Variants in THOC7 observed in about 807,000 individuals in gnomAD.
The protein encoded by THOC7 is NIF3L1-binding protein 1.
THOC7 carries 22 observed loss-of-function variants against 33.1 expected under a neutral mutation model. That is an observed-to-expected ratio of 0.66 (90% CI 0.47 to 0.95). THOC7 has a LOEUF of 0.95. Among genes scored for constraint, THOC7 ranks in the 40% least tolerant of loss-of-function variants. THOC7 has a pLI of 0.00. For missense variants in THOC7, 184 were observed against 245.3 expected (o/e 0.75, Z 1.67); for synonymous variants, 77 against 76.8 (o/e 1.00, Z -0.01).
At chr3:63,838,780 G>C (rs980230040) in intron 2 of THOC7, among the ~76,000 whole-genome samples, 1 of 152,060 alleles carries the variant, frequency 6.6e-6, no homozygotes, top group Non-Finnish European at 1.5e-5. Flanking sequence ...AAAGACTTTA[G>C]AAATACTTTA....
At chr3:63,853,671 G>C (rs1702058215) in intron 1 of THOC7, among the ~76,000 whole-genome samples, 1 of 152,212 alleles carries the variant, frequency 6.6e-6, no homozygotes, top group Non-Finnish European at 1.5e-5. Flanking sequence ...CACTTTGGGA[G>C]GCCAAGGCGG....
At chr3:63,836,705 A>C (rs1370104402) in intron 4 of THOC7, among the ~76,000 whole-genome samples, 1 of 152,046 alleles carries the variant, frequency 6.6e-6, no homozygotes, top group African/African-American at 2.4e-5. Context: ...CCAAAAAGTA[A>C]AATAAAATAA....
At chr3:63,841,854 A>C (rs976256088) in intron 1 of THOC7, among the ~76,000 whole-genome samples, 1 of 152,174 alleles carries the variant, frequency 6.6e-6, no homozygotes, top group Non-Finnish European at 1.5e-5. Flanking sequence ...CTAGTGGGTG[A>C]ATCTGGTGGC....
At chr3:63,841,985 A>C (rs1403928505) in intron 1 of THOC7, among the ~76,000 whole-genome samples, 1 of 152,208 alleles carries the variant, frequency 6.6e-6, no homozygotes, top group Non-Finnish European at 1.5e-5. Context: ...TGGGGATTTC[A>C]AATGTAAATA....
chr3:63,837,061 G>T (rs928564149), intron 4 of THOC7, among the ~76,000 whole-genome samples: 3 of 151,630 alleles, frequency 2.0e-5, no homozygotes, highest in Non-Finnish European at 4.4e-5. Flanking sequence ...AAAAAAACTT[G>T]TAAAAAGAGG....
intron 1 of THOC7, among the ~76,000 whole-genome samples, chr3:63,845,697 T>C (rs1382856338): frequency 6.6e-6 from 1 of 152,098 alleles, no homozygotes; most frequent in Non-Finnish European, 1.5e-5. Context: ...ATTAGCTAAG[T>C]TGGTCAAGGC....
intron 1 of THOC7, among the ~76,000 whole-genome samples, chr3:63,854,425 T>G (rs1559608872): frequency 6.6e-6 from 1 of 152,214 alleles, no homozygotes; most frequent in African/African-American, 2.4e-5. Flanking sequence ...TGTAAGCAGT[T>G]TGAATGCTTA....
rs1346668636 is a variant in THOC7, at chr3:63,835,157, C to A, written c.544G>T (p.Glu182Ter). Residue 182 changes from glutamate (E) to a stop codon, truncating the protein, a stop_gained, in exon 7 of 8, where the codon GAA (glutamate) becomes TAA (stop). Coordinates refer to ENST00000295899, the MANE Select transcript of THOC7 (RefSeq NM_025075.4). LOFTEE classifies it high-confidence loss of function. Reference sequence around the variant, plus strand: ...CTTTGAGACTATTTCTACTTACTTTCCAATGTTTGCTGAAGTTCATGGATG... The same window carrying A: ...CTTTGAGACTATTTCTACTTACTTTACAATGTTTGCTGAAGTTCATGGATG... ...STIHELQQTL[E>*]NDEKLSEVEE... The A allele has an allele frequency of 6.2e-7, 1 of 1,613,312 alleles. No homozygotes were observed.
intron 1 of THOC7, chr3:63,846,294 ACTCCCTGG>A: frequency 2.5e-6 from 1 of 405,986 alleles, no homozygotes; most frequent in Non-Finnish European, 4.9e-6. Flanking sequence ...AGCGACTTGC[ACTCCCTGG>A]ACAAAAATGG....
intron 1 of THOC7, among the ~76,000 whole-genome samples, chr3:63,847,661 C>G (rs1459404864): frequency 6.6e-6 from 1 of 152,170 alleles, no homozygotes; most frequent in African/African-American, 2.4e-5. Context: ...TGCTTGAACC[C>G]AGGAGGCAGA....
chr3:63,860,953 T>A (rs1462307463), intron 1 of THOC7: 2 of 151,966 alleles, frequency 1.3e-5, no homozygotes, highest in Admixed American at 6.6e-5. Flanking sequence ...TGTCACCTGA[T>A]AGAAAAGGCA....
At chr3:63,862,592 T>C (rs894891333) in intron 1 of THOC7, among the ~76,000 whole-genome samples, 3 of 152,204 alleles carry the variant, frequency 2.0e-5, no homozygotes, top group East Asian at 1.9e-4. Flanking sequence ...CCTGGGTCTT[T>C]AGTAGCCTCC....
intron 1 of THOC7, chr3:63,861,887 G>C (rs1292575898): frequency 6.6e-6 from 1 of 151,810 alleles, no homozygotes; most frequent in East Asian, 1.9e-4. Context: ...CAACCTCCCA[G>C]GCTCAAGTGA....
intron 1 of THOC7, among the ~76,000 whole-genome samples, chr3:63,843,250 C>G (rs1701806291): frequency 6.6e-6 from 1 of 152,088 alleles, no homozygotes; most frequent in Admixed American, 6.6e-5. Context: ...TTCCGAGCAG[C>G]TGGGATTACA....
intron 4 of THOC7, among the ~76,000 whole-genome samples, 173 bp from the exon 5 acceptor site, chr3:63,836,531 T>C (rs1030087688): frequency 6.6e-5 from 10 of 152,044 alleles, no homozygotes; most frequent in Non-Finnish European, 1.3e-4. Flanking sequence ...ATTATAACGA[T>C]ACATAACATC....
At chr3:63,836,272 T>A in intron 5 of THOC7, 29 bp downstream of exon 5, 1 of 1,605,422 alleles carries the variant, frequency 6.2e-7, no homozygotes, top group Non-Finnish European at 8.5e-7. Context: ...TAAAGGTTAG[T>A]TCCTTTCAAA....
intron 1 of THOC7, chr3:63,845,079 A>G (rs1386656427): frequency 1.4e-6 from 1 of 698,618 alleles, no homozygotes; most frequent in African/African-American, 1.8e-5. Context: ...GAACACAGGA[A>G]AAGGTGATGC....
intron 4 of THOC7, among the ~76,000 whole-genome samples, chr3:63,836,574 C>CT (rs1233784024): frequency 1.3e-5 from 2 of 151,894 alleles, no homozygotes; most frequent in Non-Finnish European, 2.9e-5. Context: ...TTAGCTCCCA[C>CT]TTTTTTTCCA....
At position 63,837,812 on chromosome 3, in the gene THOC7, C is replaced by T. The variant is rs539620738; in HGVS notation, c.352+164G>A. On this transcript the variant is annotated intron_variant, in intron 4 of 7. Coordinates refer to ENST00000295899, the MANE Select transcript of THOC7 (RefSeq NM_025075.4). Reference sequence around the variant, plus strand: ...AAACATTCTTCTCAACACAGACTTCCTTCTCTATTTTAAAGAATAATATAG... The same window carrying T: ...AAACATTCTTCTCAACACAGACTTCTTTCTCTATTTTAAAGAATAATATAG... Among the ~76,000 whole-genome samples the T allele has an allele frequency of 7.9e-5, 12 of 151,994 alleles. 1 individual carries two copies. The South Asian group carries it at 2.3e-3, about 29-fold the overall frequency.
Sources: gnomAD v4.1 joint callset for allele counts (sites outside exome capture counted in the v4.1 genomes callset) on GRCh38, gnomAD v4.1.1 for gene constraint, MANE v1.5 for transcripts, NCBI Gene and HGNC (gene_info 2026-07-23, HGNC 2026-07-21) for gene names.